The following GFRA2 variants were observed in gnomAD, a reference collection of about 807,000 sequenced individuals.
GFRA2 encodes GDNF family receptor alpha 2.
GFRA2 carries 17 observed loss-of-function variants against 48.3 expected under a neutral mutation model. That is an observed-to-expected ratio of 0.35 (90% CI 0.24 to 0.53). The LOEUF (loss-of-function observed/expected upper bound fraction) is 0.53. GFRA2 is among the 20% of genes least tolerant of loss of function. The pLI is 0.93. For missense variants in GFRA2, 660 were observed against 637.3 expected (o/e 1.04, Z -0.38); for synonymous variants, 305 against 257.2 (o/e 1.19, Z -1.78).
intron 2 of GFRA2, among the ~76,000 whole-genome samples, chr8:21,776,314 GC>G (rs1407950389): frequency 5.3e-5 from 8 of 151,940 alleles, no homozygotes; most frequent in African/African-American, 1.9e-4. Context: ...AAATGGGGCA[GC>G]CCCAGAGGAC....
intron 3 of GFRA2, among the ~76,000 whole-genome samples, chr8:21,763,856 C>T (rs2117657522): frequency 6.6e-6 from 1 of 151,984 alleles, no homozygotes; most frequent in Admixed American, 6.6e-5. Flanking sequence ...CTCTCCTCCT[C>T]TCTTCCTCCA....
intron 1 of GFRA2, chr8:21,784,474 A>G (rs377575772): frequency 3.7e-4 from 141 of 385,520 alleles, no homozygotes; most frequent in African/African-American, 2.0e-3. Flanking sequence ...CTCTCAGGCC[A>G]TCCCCCGGGA....
At chr8:21,783,019 C>A in intron 1 of GFRA2, 120 bp from the exon 2 acceptor site, 2 of 921,656 alleles carry the variant, frequency 2.2e-6, no homozygotes, top group South Asian at 1.4e-5. Context: ...CAAAGCACAC[C>A]AAGGCGACTC....
chr8:21,788,424 C>T lies in GFRA2; in HGVS notation c.-265G>A. ...ATCAAATATACGCGTATCTGTGTAT[C>T]GGCTTTCTAAGCCAACAGCCCAGTC... On this transcript the variant is annotated 5_prime_UTR_variant, in exon 1 of 9. Coordinates refer to ENST00000524240, the MANE Select transcript of GFRA2 (RefSeq NM_001495.5). 1 of 1,250,338 alleles carries T rather than the reference C, an allele frequency of 8.0e-7. No homozygotes were observed. Among genetic ancestry groups the T allele is most frequent in the Non-Finnish European group, 1.0e-6 (1 of 997,226 alleles). The allele number at this position is 1,250,338 out of a possible 1,614,324, so 77.5% of individuals were successfully genotyped here.
intron 7 of GFRA2, among the ~76,000 whole-genome samples, chr8:21,696,194 CCCTCTGTCCTCTCCCCTCT>C (rs1802164290): frequency 6.9e-6 from 1 of 145,760 alleles, no homozygotes; most frequent in Admixed American, 6.8e-5. Context: ...CTCTCCCTCT[CCCTCTGTCCTCTCCCCTCT>C]CCTCTGTCCC....
At chr8:21,806,389 A>G (rs143507709) in intron 1 of GFRA2, among the ~76,000 whole-genome samples, 32 of 152,346 alleles carry the variant, frequency 2.1e-4, no homozygotes, top group African/African-American at 6.5e-4. Flanking sequence ...ACTTTGCCCA[A>G]TTGTAGGCTA....
intron 4 of GFRA2, among the ~76,000 whole-genome samples, chr8:21,745,182 G>A (rs866999922): frequency 6.6e-6 from 1 of 152,186 alleles, no homozygotes; most frequent in Non-Finnish European, 1.5e-5. Context: ...TGTGCCACAC[G>A]GCGAATCGAT....
In GFRA2 at chr8:21,706,004, A is replaced by G. The variant is rs773986301; in HGVS notation, c.832T>C (p.Ser278Pro). The G allele has an allele frequency of 1.3e-6, 2 of 1,579,478 alleles. No homozygotes were observed. The highest frequency in any genetic ancestry group is 1.7e-6 in the Non-Finnish European group (2 of 1,162,454). The change falls in exon 5 of 9, where the codon TCC becomes CCC. Residue 278 changes from serine to proline, a missense_variant. By Grantham distance (74) the Ser-to-Pro change is moderately conservative. Coordinates refer to ENST00000524240, the MANE Select transcript of GFRA2 (RefSeq NM_001495.5). The stretch of plus-strand genomic sequence containing the variant: ...GGGCAGCTGGTGACCGTCTGGTAGG[A>G]GGCTCGACAATTGGCATGGAAGTCG... ...LADFHANCRA[S>P]YQTVTSCPAD...
intron 8 of GFRA2, among the ~76,000 whole-genome samples, chr8:21,694,042 G>GAT (rs139986722): frequency 0.25 from 27,519 of 109,954 alleles, 4,388 homozygotes; most frequent in Middle Eastern, 0.32. Flanking sequence ...ATATATATGA[G>GAT]ATATATATAT....
chr8:21,788,095 G>T, intron 1 of GFRA2, 25 bp downstream of exon 1: 6 of 757,314 alleles, frequency 7.9e-6, no homozygotes, highest in Non-Finnish European at 9.2e-6. Context: ...CCTCCCCCTC[G>T]AGCTCGCCGC....
chr8:21,726,613 C>T (rs1236961858), intron 4 of GFRA2, among the ~76,000 whole-genome samples: 3 of 152,152 alleles, frequency 2.0e-5, no homozygotes, highest in Non-Finnish European at 2.9e-5. Context: ...ACCACTTCAG[C>T]GTCTGTGTCC....
chr8:21,783,958 T>C (rs1347931447), intron 1 of GFRA2, among the ~76,000 whole-genome samples: 1 of 152,066 alleles, frequency 6.6e-6, no homozygotes, highest in Non-Finnish European at 1.5e-5. Flanking sequence ...TGAAACTCCC[T>C]TCCCCTCTAT....
chr8:21,788,621 G>C lies in GFRA2; in HGVS notation c.-462C>G. On this transcript the variant is annotated 5_prime_UTR_variant, in exon 1 of 9. Transcript: ENST00000524240. ...GTCGGAATAAAATGCAAATAGAAAA[G>C]AAATCCACAGACGGGTGTCAGCGCC... The C allele has an allele frequency of 1.0e-6, 1 of 988,782 alleles. No individual in the cohort carries two copies. Among genetic ancestry groups the C allele is most frequent in the Non-Finnish European group, 1.2e-6 (1 of 832,326 alleles). 61.3% of individuals were successfully genotyped at this position (988,782 alleles called of 1,614,324 possible).
chr8:21,786,773 T>C (rs1035748112), intron 1 of GFRA2, among the ~76,000 whole-genome samples: 4 of 152,032 alleles, frequency 2.6e-5, no homozygotes, highest in Admixed American at 2.0e-4. Context: ...ATGACTCCGG[T>C]CCCCTATCCT....
intron 4 of GFRA2, among the ~76,000 whole-genome samples, chr8:21,732,287 C>T (rs1306432484): frequency 6.6e-6 from 1 of 152,202 alleles, no homozygotes; most frequent in Non-Finnish European, 1.5e-5. Flanking sequence ...AAGAAGAGGC[C>T]TCATTTTCAG....
chr8:21,737,304 G>T (rs1170609453), intron 4 of GFRA2, among the ~76,000 whole-genome samples: 2 of 152,074 alleles, frequency 1.3e-5, no homozygotes, highest in Non-Finnish European at 2.9e-5. Context: ...GGGAGGTGGA[G>T]GTTGCAGTCA....
At chr8:21,730,416 G>C (rs1384881084) in intron 4 of GFRA2, among the ~76,000 whole-genome samples, 1 of 151,876 alleles carries the variant, frequency 6.6e-6, no homozygotes, top group Non-Finnish European at 1.5e-5. Context: ...AAAAAAAACA[G>C]GTTACCCATC....
rs1005632708 is a variant in GFRA2 at position 21,782,577 on chromosome 8, A to G, written c.355+8T>C. 2.6e-5 allele frequency: 41 copies of G among 1,557,310 alleles called. No individual in the cohort carries two copies. In the African/African-American group the frequency reaches 5.2e-4, roughly 20 times the overall value. On this transcript the variant is annotated splice_region_variant and intron_variant, in intron 2 of 8. Coordinates refer to ENST00000524240, the MANE Select transcript of GFRA2 (RefSeq NM_001495.5). ...CCCTCCCCTTGGGCAAGCCCCGCCC[A>G]GGCTTACCCTCGGTCAGCCCCAGGT...
At chr8:21,790,193 C>A, upstream of GFRA2, 1 of 689,740 alleles carries the variant, frequency 1.4e-6, no homozygotes, top group Non-Finnish European at 1.8e-6. Context: ...GCGGGAGAGG[C>A]GCGGGGTCGC....
Sources: gnomAD v4.1 joint callset for allele counts (sites outside exome capture counted in the v4.1 genomes callset) on GRCh38, gnomAD v4.1.1 for gene constraint, MANE v1.5 for transcripts, NCBI Gene and HGNC (gene_info 2026-07-23, HGNC 2026-07-21) for gene names.